Variants in SLC25A46 observed in about 807,000 individuals in gnomAD.
The protein encoded by SLC25A46 is solute carrier family 25 member 46.
Under a neutral mutation model 44.6 loss-of-function variants are expected in SLC25A46, and 39 were observed. The observed-to-expected ratio is 0.87, with a 90% CI of 0.68 to 1.14. The LOEUF (loss-of-function observed/expected upper bound fraction) is 1.14, where lower values mean the gene tolerates loss of function less well. Among genes scored for constraint, SLC25A46 ranks in the 50% most tolerant of loss-of-function variants. The pLI is 0.00. For missense variants in SLC25A46, 547 were observed against 522.7 expected (o/e 1.05, Z -0.45); for synonymous variants, 202 against 185.8 (o/e 1.09, Z -0.71).
rs1800325398 is a variant in SLC25A46 at position 110,763,981 on chromosome 5, A to G, written c.*2199A>G. The G allele has an allele frequency of 6.6e-6, 1 of 151,894 alleles. No homozygotes were observed. The highest frequency in any genetic ancestry group is 2.4e-5 in the African/African-American group (1 of 41,420). 9.4% of individuals were successfully genotyped at this position (151,894 alleles called of 1,614,324 possible). A position where few individuals can be genotyped will look rare whatever the true frequency, so the allele number is the denominator to read the frequency against. ...AAAGAATGAGTGAGATAACTGTAAG[A>G]TACGCTCGTTCCCTTTTAAAAATTG... is the stretch of plus-strand genomic sequence containing the variant. On this transcript the variant is annotated 3_prime_UTR_variant, in exon 8 of 8. Transcript: ENST00000355943.
intron 2 of SLC25A46, among the ~76,000 whole-genome samples, chr5:110,743,375 G>C (rs944014249): frequency 3.3e-5 from 5 of 152,040 alleles, no homozygotes; most frequent in African/African-American, 1.2e-4. Context: ...TTTTCTGAAA[G>C]AAATAATTTG....
chr5:110,743,113 C>T (rs1799732205), intron 2 of SLC25A46, among the ~76,000 whole-genome samples: 1 of 151,940 alleles, frequency 6.6e-6, no homozygotes. Flanking sequence ...TATGTGTGCA[C>T]ATGTATGTAT....
intron 5 of SLC25A46, among the ~76,000 whole-genome samples, chr5:110,752,295 G>A (rs892655622): frequency 6.6e-6 from 1 of 152,122 alleles, no homozygotes; most frequent in Non-Finnish European, 1.5e-5. Flanking sequence ...ATCGTCATGT[G>A]TGATCTCTTT....
At chr5:110,738,173 G>A, upstream of SLC25A46, 2 of 1,262,688 alleles carry the variant, frequency 1.6e-6, no homozygotes, top group South Asian at 2.6e-5. Flanking sequence ...AGGAACATAG[G>A]ATGAAACCAT....
intron 5 of SLC25A46, among the ~76,000 whole-genome samples, chr5:110,749,053 G>T (rs564106850): frequency 6.6e-6 from 1 of 152,264 alleles, no homozygotes; most frequent in East Asian, 1.9e-4. Flanking sequence ...CTGTGGAACA[G>T]AACAGAAAGG....
At chr5:110,751,805 A>G (rs979619335) in intron 5 of SLC25A46, among the ~76,000 whole-genome samples, 2 of 152,202 alleles carry the variant, frequency 1.3e-5, no homozygotes, top group South Asian at 2.1e-4. Context: ...ATGCTTTAGG[A>G]ATGGTAGATC....
chr5:110,749,243 A>G (rs1236830491), intron 5 of SLC25A46, among the ~76,000 whole-genome samples: 1 of 152,136 alleles, frequency 6.6e-6, no homozygotes, highest in African/African-American at 2.4e-5. Context: ...TAAAGAATTT[A>G]TCTTTCAATA....
At chr5:110,756,613 A>C in intron 6 of SLC25A46, 89 bp from the exon 7 acceptor site, 1 of 832,578 alleles carries the variant, frequency 1.2e-6, no homozygotes, top group East Asian at 2.7e-5. Context: ...TTGACTATAA[A>C]TTATGTTGAC....
chr5:110,759,511 G>A (rs1800195240), intron 7 of SLC25A46, among the ~76,000 whole-genome samples: 1 of 152,086 alleles, frequency 6.6e-6, no homozygotes, highest in African/African-American at 2.4e-5. Flanking sequence ...GAAAGCAGGT[G>A]CAAAAACTCT....
intron 7 of SLC25A46, among the ~76,000 whole-genome samples, chr5:110,757,682 A>G (rs1278417236): frequency 6.6e-6 from 1 of 151,998 alleles, no homozygotes; most frequent in Non-Finnish European, 1.5e-5. Flanking sequence ...TTCCCCTTGC[A>G]TTTGGCATTG....
chr5:110,746,462 T>G (rs1306314650), intron 4 of SLC25A46, 116 bp downstream of exon 4: 1 of 644,640 alleles, frequency 1.6e-6, no homozygotes, highest in Non-Finnish European at 2.7e-6. Context: ...TTAACTGTTG[T>G]AGTAAAACTA....
rs1168252098 is a variant in SLC25A46 at position 110,764,011 on chromosome 5, T to TTTTC, written c.*2233_*2236dup. On this transcript the variant is annotated 3_prime_UTR_variant, in exon 8 of 8. Coordinates refer to ENST00000355943, the MANE Select transcript of SLC25A46 (RefSeq NM_138773.4). ...CTCGTTCCCTTTTAAAAATTGTTAT[T>TTTTC]TTTCTTTAACATGGGTGCCAAATCA... 6.6e-6 allele frequency: 1 copy of TTTTC among 151,848 alleles called. No homozygotes were observed. Among genetic ancestry groups the TTTTC allele is most frequent in the Admixed American group, 6.6e-5 (1 of 15,176 alleles). 9.4% of individuals were successfully genotyped at this position (151,848 alleles called of 1,614,324 possible).
At chr5:110,760,526 A>T (rs1478425740) in intron 7 of SLC25A46, among the ~76,000 whole-genome samples, 2 of 152,120 alleles carry the variant, frequency 1.3e-5, no homozygotes, top group Admixed American at 1.3e-4. Context: ...TACCTTATAA[A>T]TTTCATCTGC....
rs150754737 is a variant in SLC25A46 at position 110,761,301 on chromosome 5, T to G, written c.776T>G (p.Leu259Arg). The G allele has an allele frequency of 5.1e-5, 83 of 1,613,694 alleles. No individual in the cohort carries two copies. The highest frequency in any genetic ancestry group is 7.0e-5 in the Non-Finnish European group (83 of 1,179,798). Residue 259 changes from leucine (L) to arginine (R), a missense_variant, in exon 8 of 8, where the codon CTT becomes CGT. By Grantham distance (102) the Leu-to-Arg change is moderately radical (BLOSUM62 -2). Coordinates refer to ENST00000355943, the MANE Select transcript of SLC25A46 (RefSeq NM_138773.4). The surrounding 1 kb of genome is among the most constrained non-coding windows in gnomAD (Gnocchi z 5.3). ...GMGVPHSKRL[L>R]PLLSLIFPTV... ...GGAGTGCCTCATAGCAAACGACTTC[T>G]TCCGCTTCTTTCCTTGATCTTCCCT...
rs1800333511 is a variant in SLC25A46 at position 110,764,336 on chromosome 5, C to G, written c.*2554C>G. 1 of 151,718 alleles carries G rather than the reference C, an allele frequency of 6.6e-6. No individual in the cohort carries two copies. The allele number at this position is 151,718 out of a possible 1,614,324, so 9.4% of individuals were successfully genotyped here. On this transcript the variant is annotated 3_prime_UTR_variant, in exon 8 of 8. Transcript: ENST00000355943. ...CATATATGTAGACCTTCCCGAAATG[C>G]CATTCTCAATTTTATTTTATGGGCT...
chr5:110,760,954 G>A (rs558853148), intron 7 of SLC25A46, among the ~76,000 whole-genome samples: 1 of 152,094 alleles, frequency 6.6e-6, no homozygotes, highest in East Asian at 1.9e-4. Flanking sequence ...TTCTTGAGAT[G>A]TATCCACCTA....
chr5:110,742,691 C>A (rs908599139), intron 2 of SLC25A46, among the ~76,000 whole-genome samples: 4 of 152,038 alleles, frequency 2.6e-5, no homozygotes, highest in Non-Finnish European at 5.9e-5. Flanking sequence ...GTCTGTCTCC[C>A]ATCAAAAAAG....
At chr5:110,750,345 T>C (rs1176294651) in intron 5 of SLC25A46, among the ~76,000 whole-genome samples, 3 of 152,056 alleles carry the variant, frequency 2.0e-5, no homozygotes, top group South Asian at 2.1e-4. Flanking sequence ...TTAGTACTTA[T>C]AGTCAAATAT....
At chr5:110,756,644 A>C in intron 6 of SLC25A46, 58 bp from the exon 7 acceptor site, 1 of 1,199,538 alleles carries the variant, frequency 8.3e-7, no homozygotes, top group Non-Finnish European at 1.2e-6. Flanking sequence ...AGATATTAAA[A>C]AATTTAGTAT....
Sources: allele counts gnomAD v4.1 joint callset (sites outside exome capture counted in the v4.1 genomes callset), GRCh38; gene constraint gnomAD v4.1.1; non-coding constraint Gnocchi (gnomAD v3.1); transcripts MANE v1.5; gene names NCBI Gene and HGNC (gene_info 2026-07-23, HGNC 2026-07-21).